The following PCDHA3 variants were observed in gnomAD, a reference collection of about 807,000 sequenced individuals.
PCDHA3 encodes protocadherin alpha 3, also known as protocadherin alpha-3.
A neutral mutation model predicts 62.2 loss-of-function variants in PCDHA3; 41 were observed. The observed-to-expected ratio is 0.66, with a 90% CI of 0.51 to 0.86. PCDHA3 has a LOEUF of 0.86. Ranked by LOEUF, PCDHA3 falls within the 40% of genes least tolerant of loss-of-function variation. The pLI is 0.00. For missense variants in PCDHA3, 1,304 were observed against 1,241.2 expected, an observed-to-expected ratio of 1.05 and a Z score of -0.76; for synonymous variants, 640 against 555.4, an observed-to-expected ratio of 1.15 and a Z score of -2.14.
intron 1 of PCDHA3, chr5:140,868,947 A>T: frequency 7.7e-7 from 1 of 1,290,598 alleles, no homozygotes; most frequent in Non-Finnish European, 1.1e-6. Flanking sequence ...CTGAACAGTG[A>T]GGCACTCCCA....
intron 1 of PCDHA3, chr5:140,854,215 G>A: frequency 1.5e-6 from 1 of 645,326 alleles, no homozygotes; most frequent in Non-Finnish European, 1.9e-6. Flanking sequence ...TTCAATATTG[G>A]ACATCTACAT....
intron 1 of PCDHA3, chr5:140,853,237 A>T: frequency 1.0e-6 from 1 of 980,784 alleles, no homozygotes; most frequent in Non-Finnish European, 1.2e-6. Context: ...TTAGTCCTTC[A>T]TATTAATCTC....
chr5:140,850,357 C>G (rs146638035), intron 1 of PCDHA3: 1 of 1,597,856 alleles, frequency 6.3e-7, no homozygotes, highest in African/African-American at 1.3e-5. Flanking sequence ...GCGAGCATCC[C>G]GTTCCGCGTG....
At chr5:140,966,666 C>T (rs2153748360) in intron 1 of PCDHA3, 7 of 1,259,308 alleles carry the variant, frequency 5.6e-6, no homozygotes, top group Non-Finnish European at 7.2e-6. Context: ...GGGGAGCAGG[C>T]GCAGGGTGGC....
intron 1 of PCDHA3, among the ~76,000 whole-genome samples, chr5:140,895,931 C>A (rs1365477787): frequency 5.3e-5 from 8 of 152,210 alleles, no homozygotes; most frequent in African/African-American, 1.9e-4. Flanking sequence ...CTGCCTCAGC[C>A]TCCCGAGTAG....
In PCDHA3 at chr5:140,830,227, C is replaced by G. The variant is rs2150183026; in HGVS notation, c.2394+26636C>G. 2.1e-5 allele frequency: 34 copies of G among 1,613,900 alleles called. No individual in the cohort carries two copies. The African/African-American group carries it at 3.6e-4, about 17-fold the overall frequency. ...TCTGCGCGGTATCCAGCCTGCTGGT[C>G]CTCACGCTACTGCTGTACACAGCGC... On this transcript the variant is annotated intron_variant, in intron 1 of 3. Coordinates refer to ENST00000522353, the MANE Select transcript of PCDHA3 (RefSeq NM_018906.3).
chr5:140,955,639 C>T (rs2095212239), intron 1 of PCDHA3, among the ~76,000 whole-genome samples: 1 of 152,088 alleles, frequency 6.6e-6, no homozygotes, highest in African/African-American at 2.4e-5. Flanking sequence ...AGTGTGAGAA[C>T]AAATTAATAC....
Position 140,852,281 on chromosome 5 carries a change from T to C in PCDHA3, c.2394+48690T>C, listed in dbSNP as rs2150514779. ...ATGCTACAATATTACATGTTTTTTG[T>C]CTTTTTATTTTTCTGAGACGGAGTC... On this transcript the variant is annotated intron_variant, in intron 1 of 3. Coordinates refer to ENST00000522353, the MANE Select transcript of PCDHA3 (RefSeq NM_018906.3). 5.5e-5 allele frequency: 28 copies of C among 508,306 alleles called. 1 individual carries two copies. In the South Asian group the frequency reaches 2.0e-3, roughly 37 times the overall value. 31.5% of individuals were successfully genotyped at this position (508,306 alleles called of 1,614,324 possible).
intron 1 of PCDHA3, chr5:140,876,965 G>C (rs1554169161): frequency 1.9e-6 from 3 of 1,612,976 alleles, no homozygotes; most frequent in East Asian, 2.2e-5. Flanking sequence ...GTGGAGCGGC[G>C]GGTGGGCGAG....
chr5:140,808,435 G>A lies in PCDHA3; in HGVS notation c.2394+4844G>A, dbSNP rs376887531. On this transcript the variant is annotated intron_variant, in intron 1 of 3. Transcript: ENST00000522353. ...TGCTGGACAGTGCCCTGGACCGCGAGAGCGTGTCAGCCTATGAGCTGGTGG... is the reference window on the plus strand; with the variant it reads ...TGCTGGACAGTGCCCTGGACCGCGAAAGCGTGTCAGCCTATGAGCTGGTGG... 12 of 1,614,194 alleles carry A rather than the reference G, an allele frequency of 7.4e-6. No individual in the cohort carries two copies. The African/African-American group carries it at 1.6e-4, about 22-fold the overall frequency.
intron 1 of PCDHA3, chr5:140,882,507 A>G: frequency 6.2e-7 from 1 of 1,614,182 alleles, no homozygotes; most frequent in Non-Finnish European, 8.5e-7. Flanking sequence ...GTAAATCTGC[A>G]GAATGGCATT....
intron 1 of PCDHA3, chr5:140,808,708 C>G (rs1212194365): frequency 2.0e-5 from 32 of 1,612,022 alleles, no homozygotes; most frequent in Non-Finnish European, 2.5e-5. Flanking sequence ...TGTCGAGCTA[C>G]GTTTCGGTGC....
At chr5:140,877,729 C>G (rs1554170045) in intron 1 of PCDHA3, 2 of 1,614,168 alleles carry the variant, frequency 1.2e-6, no homozygotes, top group South Asian at 2.2e-5. Context: ...TTACTCGCAG[C>G]AGAGGAGGCA....
At position 140,849,493 on chromosome 5, in the gene PCDHA3, A is replaced by G. The variant is rs2150439016; in HGVS notation, c.2394+45902A>G. ...AAAGGCTTCCCACCCCTGGCTGGTC[A>G]TTGTACACTTCTTGTGGAAGTTGTG... On this transcript the variant is annotated intron_variant, in intron 1 of 3. Transcript: ENST00000522353. 4.4e-6 allele frequency: 7 copies of G among 1,593,210 alleles called. 2 individuals are homozygous for G. Among genetic ancestry groups the G allele is most frequent in the Non-Finnish European group, 3.4e-6 (4 of 1,164,850 alleles).
chr5:140,869,375 A>C, intron 1 of PCDHA3: 1 of 1,614,116 alleles, frequency 6.2e-7, no homozygotes, highest in Non-Finnish European at 8.5e-7. Flanking sequence ...TCTCGGATCG[A>C]CCGCGAGGAG....
intron 1 of PCDHA3, chr5:140,871,453 G>A (rs1554165628): frequency 6.2e-7 from 1 of 1,607,586 alleles, no homozygotes; most frequent in Non-Finnish European, 8.5e-7. Flanking sequence ...TAAAGAGGAG[G>A]AAGGGGAAAG....
intron 1 of PCDHA3, chr5:140,830,508 C>G: frequency 7.1e-7 from 1 of 1,415,164 alleles, no homozygotes; most frequent in African/African-American, 1.4e-5. Context: ...TCATAATTAA[C>G]AGTTAATTTT....
intron 1 of PCDHA3, among the ~76,000 whole-genome samples, chr5:140,937,632 G>T (rs1228752133): frequency 1.3e-5 from 2 of 150,132 alleles, no homozygotes; most frequent in Admixed American, 1.3e-4. Flanking sequence ...AAAAAGAAAG[G>T]CAGGGCATGG....
At position 140,843,240 on chromosome 5, in the gene PCDHA3, C is replaced by G. The variant is rs2150355693; in HGVS notation, c.2394+39649C>G. On this transcript the variant is annotated intron_variant, in intron 1 of 3. Coordinates refer to ENST00000522353, the MANE Select transcript of PCDHA3 (RefSeq NM_018906.3). ...AGCACCACTCGTGTCCTGGACGAAG[C>G]GGACTCTCCGCGCCACCGTCTGCTG... The G allele has an allele frequency of 4.4e-6, 7 of 1,595,828 alleles. 1 individual carries two copies. Among genetic ancestry groups the G allele is most frequent in the Non-Finnish European group, 6.0e-6 (7 of 1,165,542 alleles).
Sources: gnomAD v4.1 joint callset for allele counts (sites outside exome capture counted in the v4.1 genomes callset) on GRCh38, gnomAD v4.1.1 for gene constraint, MANE v1.5 for transcripts, NCBI Gene and HGNC (gene_info 2026-07-23, HGNC 2026-07-21) for gene names.